The following PAQR5 variants were observed in gnomAD, a reference collection of about 807,000 sequenced individuals.
PAQR5 encodes progestin and adipoQ receptor family member 5.
In PAQR5, 20 loss-of-function variants were observed where a neutral mutation model predicts 34.5. The ratio of observed to expected loss-of-function variants is 0.58; its 90% CI spans 0.41 to 0.84. The LOEUF (loss-of-function observed/expected upper bound fraction) is 0.84, where lower values mean the gene tolerates loss of function less well. PAQR5 is among the 40% of genes least tolerant of loss of function. PAQR5 has a pLI of 0.00. For missense variants in PAQR5, 378 were observed against 412.7 expected, an observed-to-expected ratio of 0.92 and a Z score of 0.73; for synonymous variants, 131 against 155.6, an observed-to-expected ratio of 0.84 and a Z score of 1.18.
At chr15:69,313,709 G>A (rs181215673) in intron 1 of PAQR5, among the ~76,000 whole-genome samples, 1 of 152,308 alleles carries the variant, frequency 6.6e-6, no homozygotes, top group Admixed American at 6.5e-5. Flanking sequence ...GTTCCCGAGA[G>A]GAGGTTGAGT....
intron 7 of PAQR5, among the ~76,000 whole-genome samples, chr15:69,398,640 G>C (rs1211017594): frequency 6.6e-6 from 1 of 152,190 alleles, no homozygotes; most frequent in African/African-American, 2.4e-5. Context: ...TCTGTGCTCT[G>C]CCTCTGTGGG....
chr15:69,324,210 C>A (rs748570744), intron 1 of PAQR5, among the ~76,000 whole-genome samples: 9 of 152,022 alleles, frequency 5.9e-5, no homozygotes, highest in Non-Finnish European at 1.2e-4. Context: ...CCATGGCAAC[C>A]CCCTGCCATC....
At chr15:69,362,992 C>G (rs925396663) in intron 3 of PAQR5, among the ~76,000 whole-genome samples, 3 of 152,182 alleles carry the variant, frequency 2.0e-5, no homozygotes, top group African/African-American at 7.2e-5. Flanking sequence ...CCTTTGCTCC[C>G]CCTTTGTGAC....
chr15:69,379,679 C>A, intron 3 of PAQR5: 1 of 856,518 alleles, frequency 1.2e-6, no homozygotes, highest in African/African-American at 1.8e-5. Flanking sequence ...TTCCCTCCCC[C>A]AGCTAGCTGG....
intron 2 of PAQR5, among the ~76,000 whole-genome samples, chr15:69,348,573 T>C (rs2054831842): frequency 6.6e-6 from 1 of 152,138 alleles, no homozygotes; most frequent in South Asian, 2.1e-4. Flanking sequence ...TTTGCATGTG[T>C]TAGTTGGGTA....
At chr15:69,318,605 T>G (rs1424511095) in intron 1 of PAQR5, among the ~76,000 whole-genome samples, 1 of 151,880 alleles carries the variant, frequency 6.6e-6, no homozygotes, top group African/African-American at 2.4e-5. Context: ...GCCTCCTTCT[T>G]CTTGGGGCAC....
At chr15:69,375,393 T>A (rs2055679436) in intron 3 of PAQR5, among the ~76,000 whole-genome samples, 1 of 152,158 alleles carries the variant, frequency 6.6e-6, no homozygotes, top group South Asian at 2.1e-4. Flanking sequence ...CCGAATGCAG[T>A]TGCATCTGAG....
chr15:69,346,856 G>A (rs1262446640), intron 2 of PAQR5, among the ~76,000 whole-genome samples: 3 of 148,956 alleles, frequency 2.0e-5, no homozygotes, highest in South Asian at 2.1e-4. Flanking sequence ...AGTCTCTGTC[G>A]CCCAGGCTGG....
chr15:69,311,039 A>C (rs866451427), intron 1 of PAQR5, among the ~76,000 whole-genome samples: 875 of 39,406 alleles, frequency 0.022, 31 homozygotes, highest in African/African-American at 0.071. Context: ...ACTCCGTCGC[A>C]AAAAATAAAA....
chr15:69,301,294 G>A (rs2053600523), intron 1 of PAQR5, among the ~76,000 whole-genome samples: 1 of 152,058 alleles, frequency 6.6e-6, no homozygotes, highest in South Asian at 2.1e-4. Flanking sequence ...GTGAGCCACT[G>A]CACCCAGCCC....
chr15:69,376,304 G>T (rs1303427825), intron 3 of PAQR5, among the ~76,000 whole-genome samples: 1 of 152,072 alleles, frequency 6.6e-6, no homozygotes, highest in Admixed American at 6.5e-5. Flanking sequence ...GTCAAACTGG[G>T]TTTAGAATAC....
At chr15:69,358,920 C>A (rs2055155057) in intron 2 of PAQR5, among the ~76,000 whole-genome samples, 1 of 152,020 alleles carries the variant, frequency 6.6e-6, no homozygotes, top group Admixed American at 6.5e-5. Context: ...CTGGCCTTAG[C>A]TCTGCAATTT....
chr15:69,322,462 C>G lies in PAQR5; in HGVS notation c.-276-14879C>G, dbSNP rs2140606334. ...CCAGCCTGGATGACAGAGGGAGACCCCGTCTCAAAAAAACCAAAAATAAAA... is the reference window on the plus strand; with the variant it reads ...CCAGCCTGGATGACAGAGGGAGACCGCGTCTCAAAAAAACCAAAAATAAAA... On this transcript the variant is annotated intron_variant, in intron 1 of 8. Coordinates refer to ENST00000395407, the MANE Select transcript of PAQR5 (RefSeq NM_017705.4). 1.3e-5 allele frequency among the ~76,000 whole-genome samples: 2 copies of G among 148,272 alleles called. 1 individual carries two copies. The highest frequency in any genetic ancestry group is 4.1e-4 in the East Asian group (2 of 4,832).
At chr15:69,392,096 A>G (rs537198157) in intron 6 of PAQR5, 1 of 206,938 alleles carries the variant, frequency 4.8e-6, no homozygotes, top group African/African-American at 2.4e-5. Flanking sequence ...TGGCTTCCCC[A>G]TGAGCTCATA....
chr15:69,401,082 T>C (rs565260972), intron 8 of PAQR5: 1 of 152,398 alleles, frequency 6.6e-6, no homozygotes, highest in South Asian at 2.1e-4. Flanking sequence ...GGCAGAGTTC[T>C]TTCCCCGCTC....
intron 2 of PAQR5, among the ~76,000 whole-genome samples, chr15:69,353,438 C>A (rs1012939647): frequency 1.3e-5 from 2 of 152,190 alleles, no homozygotes; most frequent in African/African-American, 4.8e-5. Flanking sequence ...ACTCATTTTA[C>A]AGCCAAAGAA....
At chr15:69,400,326 G>A (rs1045922604) in intron 8 of PAQR5, among the ~76,000 whole-genome samples, 3 of 152,208 alleles carry the variant, frequency 2.0e-5, no homozygotes, top group Non-Finnish European at 4.4e-5. Flanking sequence ...GTGGGCCCAG[G>A]AGCCTAAAGC....
At chr15:69,395,254 G>A (rs2056389014) in intron 6 of PAQR5, among the ~76,000 whole-genome samples, 2 of 152,206 alleles carry the variant, frequency 1.3e-5, no homozygotes, top group South Asian at 2.1e-4. Flanking sequence ...GGGGCAGAGC[G>A]GGCAGGGAAG....
intron 1 of PAQR5, among the ~76,000 whole-genome samples, chr15:69,335,492 G>A (rs916110450): frequency 3.4e-5 from 5 of 146,218 alleles, no homozygotes; most frequent in East Asian, 4.2e-4. Flanking sequence ...TGATCTGCCC[G>A]CCTCGGCCTC....
Sources: allele counts gnomAD v4.1 joint callset (sites outside exome capture counted in the v4.1 genomes callset), GRCh38; gene constraint gnomAD v4.1.1; transcripts MANE v1.5; gene names NCBI Gene and HGNC (gene_info 2026-07-23, HGNC 2026-07-21).